CSMD3: variants seen among roughly 807,000 people sequenced by gnomAD.
CSMD3 encodes CUB and Sushi multiple domains 3.
A neutral mutation model predicts 435.2 loss-of-function variants in CSMD3; 177 were observed. That is an observed-to-expected ratio of 0.41 (90% CI 0.36 to 0.46). The LOEUF (loss-of-function observed/expected upper bound fraction) is 0.46, where lower values mean the gene tolerates loss of function less well. Among genes scored for constraint, CSMD3 ranks in the 20% least tolerant of loss-of-function variants. The pLI is 0.34. For synonymous variants in CSMD3, 1,656 were observed against 1,520.5 expected (o/e 1.09, Z -2.07); for missense variants, 4,265 against 4,504.6 (o/e 0.95, Z 1.52).
chr8:113,135,040 G>C (rs1477276538), intron 4 of CSMD3, among the ~76,000 whole-genome samples: 1 of 152,002 alleles, frequency 6.6e-6, no homozygotes. Flanking sequence ...CCATCTTAAT[G>C]ATTTAATCAC....
chr8:113,063,888 A>G (rs1041341776), intron 5 of CSMD3, among the ~76,000 whole-genome samples: 3 of 151,800 alleles, frequency 2.0e-5, no homozygotes, highest in Non-Finnish European at 4.4e-5. Context: ...AGATGATAGT[A>G]ATAGGTGATA....
At chr8:112,604,747 G>T (rs1212129958) in intron 22 of CSMD3, among the ~76,000 whole-genome samples, 1 of 152,070 alleles carries the variant, frequency 6.6e-6, no homozygotes, top group Admixed American at 6.6e-5. Context: ...TAATGAAGAT[G>T]CCAAAAGCAA....
intron 52 of CSMD3, 30 bp from the exon 53 acceptor site, chr8:112,301,996 T>G (rs751572860): frequency 1.4e-6 from 2 of 1,466,064 alleles, no homozygotes; most frequent in East Asian, 4.7e-5. Flanking sequence ...TAAAAATCCT[T>G]AAAGATATAG....
At chr8:112,810,369 A>C (rs574412264) in intron 12 of CSMD3, among the ~76,000 whole-genome samples, 2 of 69,468 alleles carry the variant, frequency 2.9e-5, no homozygotes, top group East Asian at 1.0e-3. Flanking sequence ...AGAATGAAAA[A>C]CATCTAATTA....
intron 58 of CSMD3, among the ~76,000 whole-genome samples, chr8:112,286,419 A>T (rs1200522220): frequency 2.0e-5 from 3 of 152,130 alleles, no homozygotes; most frequent in African/African-American, 7.2e-5. Context: ...TGGAAAGTGA[A>T]TCATCCCTTG....
chr8:112,350,846 T>G (rs377587782), intron 40 of CSMD3, among the ~76,000 whole-genome samples: 25 of 152,100 alleles, frequency 1.6e-4, no homozygotes, highest in Admixed American at 1.5e-3. Flanking sequence ...CAATAGAATA[T>G]TTACTTATTT....
chr8:113,435,171 G>A (rs151202860), intron 1 of CSMD3, among the ~76,000 whole-genome samples: 170 of 152,272 alleles, frequency 1.1e-3, no homozygotes, highest in Non-Finnish European at 1.8e-3. Context: ...TTGTACATTT[G>A]GCAGTGTAGT....
At position 112,346,832 on chromosome 8, in the gene CSMD3, C is replaced by T. The variant is rs575211669; in HGVS notation, c.6326-619G>A. On this transcript the variant is annotated intron_variant, in intron 40 of 70. Coordinates refer to ENST00000297405, the MANE Select transcript of CSMD3 (RefSeq NM_198123.2). ...TAGCTGGGACTACAGGCGCCTGCCA[C>T]CACGCCCGGCTAATTTTTTGTATTT... 3.3e-3 allele frequency among the ~76,000 whole-genome samples: 498 copies of T among 151,946 alleles called. 4 individuals carry two copies. The highest frequency in any genetic ancestry group is 5.2e-3 in the Non-Finnish European group (353 of 67,966).
intron 10 of CSMD3, among the ~76,000 whole-genome samples, chr8:112,866,892 T>G (rs1028460311): frequency 2.6e-5 from 4 of 152,194 alleles, no homozygotes; most frequent in African/African-American, 9.6e-5. Context: ...TCTAATAAGA[T>G]GTAACTATGT....
chr8:112,270,225 T>A (rs916652551), intron 59 of CSMD3, among the ~76,000 whole-genome samples: 1 of 152,080 alleles, frequency 6.6e-6, no homozygotes, highest in Non-Finnish European at 1.5e-5. Flanking sequence ...CTTACCATTA[T>A]TATTAAATCA....
chr8:113,253,778 G>C (rs1329470953), intron 3 of CSMD3, among the ~76,000 whole-genome samples: 1 of 151,678 alleles, frequency 6.6e-6, no homozygotes, highest in Non-Finnish European at 1.5e-5. Context: ...GTTGGAGGTT[G>C]CAGTGACCCG....
intron 24 of CSMD3, among the ~76,000 whole-genome samples, chr8:112,559,752 G>A (rs749739782): frequency 8.6e-5 from 13 of 151,894 alleles, no homozygotes; most frequent in South Asian, 2.1e-4. Flanking sequence ...CTAAGCTGCC[G>A]TAGCTATATA....
At chr8:113,003,291 T>G (rs985944926) in intron 6 of CSMD3, among the ~76,000 whole-genome samples, 1 of 151,978 alleles carries the variant, frequency 6.6e-6, no homozygotes, top group Non-Finnish European at 1.5e-5. Flanking sequence ...AAATAGTGTT[T>G]CAGTTACTAA....
At chr8:112,524,333 T>C (rs982794894) in intron 27 of CSMD3, among the ~76,000 whole-genome samples, 2 of 150,806 alleles carry the variant, frequency 1.3e-5, no homozygotes, top group Non-Finnish European at 3.0e-5. Flanking sequence ...CCAGTATTAG[T>C]AAGTAAAAAA....
intron 17 of CSMD3, among the ~76,000 whole-genome samples, chr8:112,665,256 A>T (rs2075493629): frequency 6.6e-6 from 1 of 152,136 alleles, no homozygotes; most frequent in Non-Finnish European, 1.5e-5. Context: ...GAAGCTCTTC[A>T]TATTTACTGA....
At chr8:113,428,352 T>C (rs371412821) in intron 1 of CSMD3, among the ~76,000 whole-genome samples, 1 of 151,740 alleles carries the variant, frequency 6.6e-6, no homozygotes, top group Non-Finnish European at 1.5e-5. Flanking sequence ...AGAGGTTTAA[T>C]TGGTAACTTA....
chr8:112,277,395 T>C (rs1175522276), intron 59 of CSMD3, among the ~76,000 whole-genome samples: 1 of 152,110 alleles, frequency 6.6e-6, no homozygotes, highest in Non-Finnish European at 1.5e-5. Flanking sequence ...TCCAACAAGT[T>C]CCTCATCTCC....
intron 4 of CSMD3, among the ~76,000 whole-genome samples, chr8:113,162,869 A>G (rs2092072491): frequency 6.6e-6 from 1 of 152,166 alleles, no homozygotes; most frequent in African/African-American, 2.4e-5. Flanking sequence ...TTATTCTTCA[A>G]GTCTCTAACA....
At chr8:112,767,984 T>C (rs2078021248) in intron 13 of CSMD3, among the ~76,000 whole-genome samples, 1 of 151,754 alleles carries the variant, frequency 6.6e-6, no homozygotes, top group Non-Finnish European at 1.5e-5. Context: ...CCAATTTAGA[T>C]GAATACAATC....
Sources: gnomAD v4.1 joint callset for allele counts (sites outside exome capture counted in the v4.1 genomes callset) on GRCh38, gnomAD v4.1.1 for gene constraint, MANE v1.5 for transcripts, NCBI Gene and HGNC (gene_info 2026-07-23, HGNC 2026-07-21) for gene names.